The following DERA variants were observed in gnomAD, a reference collection of about 807,000 sequenced individuals.
DERA encodes 2-deoxy-D-ribose 5-phosphate aldolase.
Under a neutral mutation model 41.1 loss-of-function variants are expected in DERA, and 15 were observed. The observed-to-expected ratio is 0.37, with a 90% confidence interval of 0.24 to 0.56. The LOEUF (loss-of-function observed/expected upper bound fraction) is 0.56. Among genes scored for constraint, DERA ranks in the 20% least tolerant of loss-of-function variants. The pLI is 0.81. For synonymous variants in DERA, 139 were observed against 137.4 expected (o/e 1.01, Z -0.08); for missense variants, 396 against 403.4 (o/e 0.98, Z 0.16).
chr12:15,938,665 G>A lies in DERA; in HGVS notation c.32-18271G>A, dbSNP rs1948388941. ...AATTTAGCACATTCTATAAATGGAGGATATTTTCAATTCACATTTTTTAAT... is the reference window on the plus strand; with the variant it reads ...AATTTAGCACATTCTATAAATGGAGAATATTTTCAATTCACATTTTTTAAT... On this transcript the variant is annotated intron_variant, in intron 1 of 8. Transcript: ENST00000428559. This position sits in a 1 kb window ranked among gnomAD's most constrained non-coding sequence, Gnocchi z 4.1. Among the ~76,000 whole-genome samples, 1 of 152,062 alleles carries A rather than the reference G, an allele frequency of 6.6e-6. No homozygotes were observed. The highest frequency in any genetic ancestry group is 6.5e-5 in the Admixed American group (1 of 15,274).
At chr12:15,991,185 G>C (rs1948799726) in intron 6 of DERA, among the ~76,000 whole-genome samples, 1 of 152,110 alleles carries the variant, frequency 6.6e-6, no homozygotes, top group Non-Finnish European at 1.5e-5. Flanking sequence ...TTGTGGTTTT[G>C]ATTTGCGTTT....
In DERA at chr12:15,940,073, A is replaced by G. The variant is rs537331221; in HGVS notation, c.32-16863A>G. Among the ~76,000 whole-genome samples, 15 of 152,248 alleles carry G rather than the reference A, an allele frequency of 9.9e-5. No individual in the cohort carries two copies. Among genetic ancestry groups the G allele is most frequent in the Non-Finnish European group, 2.1e-4 (14 of 68,040 alleles). On this transcript the variant is annotated intron_variant, in intron 1 of 8. Transcript: ENST00000428559. This position sits in a 1 kb window ranked among gnomAD's most constrained non-coding sequence, Gnocchi z 5.1. ...ACCATGATACTACAACAAAATTTGT[A>G]TCCATGTTGTCACTGCAAAATCACA...
At position 16,012,378 on chromosome 12, in the gene DERA, A is replaced by G. The variant is rs79678559; in HGVS notation, c.638-20164A>G. Among the ~76,000 whole-genome samples the G allele has an allele frequency of 0.015, 2,278 of 152,336 alleles. 55 individuals carry two copies. Among genetic ancestry groups the G allele is most frequent in the African/African-American group, 0.05 (2,095 of 41,564 alleles). ...GACATTGAAACCACTGAAAATACTC[A>G]TGACAGAGGAAACTGTATTTCCTAG... On this transcript the variant is annotated intron_variant, in intron 6 of 8. Coordinates refer to ENST00000428559, the MANE Select transcript of DERA (RefSeq NM_015954.4). This position sits in a 1 kb window ranked among gnomAD's most constrained non-coding sequence, Gnocchi z 4.1.
At chr12:15,925,299 C>T (rs1948273660) in intron 1 of DERA, among the ~76,000 whole-genome samples, 1 of 152,102 alleles carries the variant, frequency 6.6e-6, no homozygotes, top group Admixed American at 6.6e-5. Flanking sequence ...TTTCATAAAC[C>T]CTTCTCTTAT....
Position 15,941,026 on chromosome 12 carries a change from G to T in DERA, c.32-15910G>T, listed in dbSNP as rs903707798. On this transcript the variant is annotated intron_variant, in intron 1 of 8. Transcript: ENST00000428559. This position sits in a 1 kb window ranked among gnomAD's most constrained non-coding sequence, Gnocchi z 4.5. ...TTTTATTAAACATACTTTTTGTGAG[G>T]TCATTGTAACTGATAGTTTTTGTTG... Among the ~76,000 whole-genome samples, 2 of 152,274 alleles carry T rather than the reference G, an allele frequency of 1.3e-5. No individual in the cohort carries two copies. The highest frequency in any genetic ancestry group is 1.3e-4 in the Admixed American group (2 of 15,298).
chr12:15,987,346 C>T lies in DERA; in HGVS notation c.637+4910C>T, dbSNP rs1948771886. Among the ~76,000 whole-genome samples, 2 of 150,288 alleles carry T rather than the reference C, an allele frequency of 1.3e-5. 1 individual carries two copies. Among genetic ancestry groups the T allele is most frequent in the South Asian group, 4.2e-4 (2 of 4,724 alleles). ...CCACCTCCCAGGTTCAAGTGATTCT[C>T]CTGCCTCAGCCTCCTGAGTAGCTGG... is the stretch of plus-strand genomic sequence containing the variant. On this transcript the variant is annotated intron_variant, in intron 6 of 8. Coordinates refer to ENST00000428559, the MANE Select transcript of DERA (RefSeq NM_015954.4).
intron 1 of DERA, among the ~76,000 whole-genome samples, chr12:15,933,875 A>G (rs1455340159): frequency 6.6e-6 from 1 of 152,076 alleles, no homozygotes; most frequent in Non-Finnish European, 1.5e-5. Flanking sequence ...GCTTTGTTCT[A>G]TACTGTTATG....
At chr12:15,917,682 C>T (rs574662112) in intron 1 of DERA, among the ~76,000 whole-genome samples, 8 of 152,308 alleles carry the variant, frequency 5.3e-5, no homozygotes, top group Admixed American at 2.0e-4. Flanking sequence ...TTTACACCAA[C>T]GGTCCCGGAC....
intron 6 of DERA, among the ~76,000 whole-genome samples, chr12:16,022,642 G>T (rs184670404): frequency 6.6e-6 from 1 of 152,276 alleles, no homozygotes; most frequent in Non-Finnish European, 1.5e-5. Context: ...AACTGAAAAT[G>T]AGTGACTTTT....
intron 1 of DERA, among the ~76,000 whole-genome samples, chr12:15,926,958 C>G (rs1475437109): frequency 6.6e-6 from 1 of 152,084 alleles, no homozygotes; most frequent in Non-Finnish European, 1.5e-5. Context: ...AATAGTTGTT[C>G]TTGAGTGTTT....
chr12:15,925,524 T>C (rs1388827573), intron 1 of DERA, among the ~76,000 whole-genome samples: 2 of 152,140 alleles, frequency 1.3e-5, no homozygotes, highest in African/African-American at 2.4e-5. Flanking sequence ...CATCTGGGAG[T>C]GAAATTGTTC....
intron 4 of DERA, among the ~76,000 whole-genome samples, chr12:15,960,827 A>G (rs1948582280): frequency 6.6e-6 from 1 of 152,134 alleles, no homozygotes; most frequent in African/African-American, 2.4e-5. Flanking sequence ...AGGGAACCAC[A>G]TGTTAGACAG....
chr12:15,944,567 G>T (rs941600771), intron 1 of DERA, among the ~76,000 whole-genome samples: 5 of 152,138 alleles, frequency 3.3e-5, no homozygotes, highest in Non-Finnish European at 7.3e-5. Flanking sequence ...CCCACTTTTT[G>T]ATGGGGTTGT....
rs1948307216 is a variant in DERA, at chr12:15,928,925, GC to G, written c.31+17513del. 6.6e-6 allele frequency among the ~76,000 whole-genome samples: 1 copy of G among 152,170 alleles called. No homozygotes were observed. The highest frequency in any genetic ancestry group is 1.5e-5 in the Non-Finnish European group (1 of 68,034). On this transcript the variant is annotated intron_variant, in intron 1 of 8. Coordinates refer to ENST00000428559, the MANE Select transcript of DERA (RefSeq NM_015954.4). This position sits in a 1 kb window ranked among gnomAD's most constrained non-coding sequence, Gnocchi z 4.6. ...TGTACACTTGACCTTACTTTTCTCA[GC>G]CTTCTAGATCTGTAGCTGTTAAATC...
At position 16,036,458 on chromosome 12, in the gene DERA, C is replaced by T. The variant is rs1182401245; in HGVS notation, c.900+77C>T. ...AGGAATTGAAAAGTCAAATTGAGAA[C>T]TGGAGATAAAAACTCATCTGATTGA... On this transcript the variant is annotated intron_variant, in intron 8 of 8. Transcript: ENST00000428559. The surrounding 1 kb of genome is among the most constrained non-coding windows in gnomAD (Gnocchi z 4.9). 1.4e-6 allele frequency: 2 copies of T among 1,481,448 alleles called. No homozygotes were observed. The highest frequency in any genetic ancestry group is 1.8e-6 in the Non-Finnish European group (2 of 1,098,746). 91.8% of individuals were successfully genotyped at this position (1,481,448 alleles called of 1,614,324 possible). A position where few individuals can be genotyped will look rare whatever the true frequency, so the allele number is the denominator to read the frequency against.
chr12:16,033,984 T>A (rs1949110924), intron 7 of DERA, among the ~76,000 whole-genome samples: 1 of 152,230 alleles, frequency 6.6e-6, no homozygotes, highest in African/African-American at 2.4e-5. Context: ...AGATAAGCTG[T>A]AAAAATGATA....
chr12:15,974,960 AT>A (rs1238284945), intron 5 of DERA, among the ~76,000 whole-genome samples: 1 of 151,410 alleles, frequency 6.6e-6, no homozygotes, highest in Admixed American at 6.6e-5. Context: ...ATTGATTCTT[AT>A]TTTACTCAAT....
intron 1 of DERA, among the ~76,000 whole-genome samples, chr12:15,917,385 A>G (rs943935434): frequency 6.6e-6 from 1 of 152,178 alleles, no homozygotes; most frequent in African/African-American, 2.4e-5. Context: ...GATTTGTGTA[A>G]TTTTAAGTTA....
chr12:15,958,058 T>C (rs1240694952), intron 2 of DERA, 130 bp from the exon 3 acceptor site: 9 of 623,838 alleles, frequency 1.4e-5, no homozygotes, highest in Non-Finnish European at 2.3e-5. Context: ...GGATATTCCA[T>C]TGAACAGTGT....
Sources: allele counts gnomAD v4.1 joint callset (sites outside exome capture counted in the v4.1 genomes callset), GRCh38; gene constraint gnomAD v4.1.1; non-coding constraint Gnocchi (gnomAD v3.1); transcripts MANE v1.5; gene names NCBI Gene and HGNC (gene_info 2026-07-23, HGNC 2026-07-21).